Variants in KIF16B observed in about 807,000 individuals in gnomAD.
KIF16B encodes kinesin-like protein KIF16B.
Under a neutral mutation model 156.3 loss-of-function variants are expected in KIF16B, and 98 were observed. That is an observed-to-expected ratio of 0.63 (90% CI 0.53 to 0.74). KIF16B has a LOEUF of 0.74. Ranked by LOEUF, KIF16B falls within the 30% of genes least tolerant of loss-of-function variation. The pLI, the probability that KIF16B is intolerant of heterozygous loss-of-function variation, is 0.00. For missense variants in KIF16B, 1,421 were observed against 1,606.5 expected, an observed-to-expected ratio of 0.88 and a Z score of 1.97; for synonymous variants, 564 against 583.7, an observed-to-expected ratio of 0.97 and a Z score of 0.49.
At chr20:16,366,041 C>A (rs67393936) in intron 22 of KIF16B, among the ~76,000 whole-genome samples, 4,954 of 149,896 alleles carry the variant, frequency 0.033, 79 homozygotes, top group African/African-American at 0.043. Context: ...AAAACAAATA[C>A]AAAATATGTA....
rs78818623 is a variant in KIF16B at position 16,394,337 on chromosome 20, G to A, written c.1784+10476C>T. On this transcript the variant is annotated intron_variant, in intron 17 of 25. Transcript: ENST00000354981. ...TCATCAGTTAAAGTGGCTCACAGTG[G>A]AATAATATTCACGGACAAAAAGGAA... Among the ~76,000 whole-genome samples the A allele has an allele frequency of 6.9e-3, 1,056 of 152,228 alleles. 11 individuals carry two copies. The highest frequency in any genetic ancestry group is 0.022 in the African/African-American group (921 of 41,522).
chr20:16,303,929 G>A (rs138733748), intron 25 of KIF16B, among the ~76,000 whole-genome samples: 68 of 152,220 alleles, frequency 4.5e-4, no homozygotes, highest in African/African-American at 1.6e-3. Context: ...TGTTTTGGCC[G>A]ACTAAAAACA....
At chr20:16,413,872 TTGAG>T (rs145350037) in intron 15 of KIF16B, among the ~76,000 whole-genome samples, 3,186 of 152,092 alleles carry the variant, frequency 0.021, 108 homozygotes, top group African/African-American at 0.073. Flanking sequence ...TGAAATGGTA[TTGAG>T]TGAGAGGCTG....
At chr20:16,466,237 G>C (rs1163411702) in intron 12 of KIF16B, among the ~76,000 whole-genome samples, 1 of 152,182 alleles carries the variant, frequency 6.6e-6, no homozygotes, top group Non-Finnish European at 1.5e-5. Flanking sequence ...CCACAGCTTA[G>C]AAGTCACCAC....
At chr20:16,530,298 C>A (rs1208189011) in intron 1 of KIF16B, among the ~76,000 whole-genome samples, 2 of 152,146 alleles carry the variant, frequency 1.3e-5, no homozygotes, top group African/African-American at 4.8e-5. Flanking sequence ...TGGGCTGGAC[C>A]TGGTGAGTCA....
At chr20:16,525,897 T>G (rs2069523200) in intron 3 of KIF16B, among the ~76,000 whole-genome samples, 195 bp downstream of exon 3, 1 of 152,224 alleles carries the variant, frequency 6.6e-6, no homozygotes, top group South Asian at 2.1e-4. Flanking sequence ...ATCAATCTTT[T>G]GAGAACTGAA....
At chr20:16,300,147 G>A (rs1448682779) in intron 25 of KIF16B, among the ~76,000 whole-genome samples, 1 of 152,144 alleles carries the variant, frequency 6.6e-6, no homozygotes, top group African/African-American at 2.4e-5. Context: ...AACACGGAAA[G>A]GGAATCCCAC....
intron 1 of KIF16B, among the ~76,000 whole-genome samples, chr20:16,530,212 C>T (rs866243085): frequency 6.6e-6 from 1 of 152,272 alleles, no homozygotes; most frequent in Non-Finnish European, 1.5e-5. Context: ...AGGGCTGTGG[C>T]GGGCACCTTC....
chr20:16,411,929 C>CACGT (rs2065966340), intron 15 of KIF16B, among the ~76,000 whole-genome samples: 1 of 134,040 alleles, frequency 7.5e-6, no homozygotes, highest in Non-Finnish European at 1.6e-5. Flanking sequence ...GAATGTTCAA[C>CACGT]GTGTGTGTGT....
intron 25 of KIF16B, among the ~76,000 whole-genome samples, chr20:16,275,346 G>A (rs965328777): frequency 6.6e-5 from 10 of 152,188 alleles, no homozygotes; most frequent in Non-Finnish European, 5.9e-5. Flanking sequence ...GTGAGCCACT[G>A]CGCCCGGCCA....
intron 12 of KIF16B, among the ~76,000 whole-genome samples, chr20:16,441,486 T>C (rs2066799424): frequency 6.6e-6 from 1 of 152,178 alleles, no homozygotes; most frequent in South Asian, 2.1e-4. Context: ...GATCAGTGAC[T>C]TTACATTCAT....
intron 22 of KIF16B, among the ~76,000 whole-genome samples, chr20:16,358,827 C>T (rs945581013): frequency 1.3e-5 from 2 of 152,208 alleles, no homozygotes; most frequent in African/African-American, 4.8e-5. Flanking sequence ...GTCAGCTAAG[C>T]AATGGAGACT....
intron 12 of KIF16B, among the ~76,000 whole-genome samples, chr20:16,447,608 T>C (rs2066968927): frequency 6.6e-6 from 1 of 151,986 alleles, no homozygotes; most frequent in Non-Finnish European, 1.5e-5. Context: ...ATCCTGTCTC[T>C]ATTAAAAAAA....
intron 1 of KIF16B, among the ~76,000 whole-genome samples, chr20:16,545,369 TAA>T (rs1295462522): frequency 2.9e-5 from 4 of 135,730 alleles, no homozygotes; most frequent in Non-Finnish European, 1.6e-5. Context: ...CATCTCTATT[TAA>T]AAAAAAAAAA....
At chr20:16,394,201 C>T (rs536486968) in intron 17 of KIF16B, among the ~76,000 whole-genome samples, 29 of 152,290 alleles carry the variant, frequency 1.9e-4, no homozygotes, top group Non-Finnish European at 3.5e-4. Context: ...AAGCAAAATG[C>T]ATCCCACCAC....
At chr20:16,355,477 G>T (rs1428794893) in intron 23 of KIF16B, among the ~76,000 whole-genome samples, 2 of 152,154 alleles carry the variant, frequency 1.3e-5, no homozygotes, top group Non-Finnish European at 2.9e-5. Context: ...CCAGATTCAT[G>T]GTCTGGTGTT....
chr20:16,315,895 G>A (rs1445399392), intron 24 of KIF16B, among the ~76,000 whole-genome samples: 3 of 152,164 alleles, frequency 2.0e-5, no homozygotes, highest in Non-Finnish European at 4.4e-5. Context: ...TGGGGCTGGG[G>A]CATGAACAAG....
chr20:16,307,615 C>T (rs1239561426), intron 25 of KIF16B, among the ~76,000 whole-genome samples: 1 of 152,194 alleles, frequency 6.6e-6, no homozygotes, highest in Non-Finnish European at 1.5e-5. Context: ...GTTTCAGACA[C>T]TTTTACTGCA....
chr20:16,541,042 A>G (rs1311973296), intron 1 of KIF16B, among the ~76,000 whole-genome samples: 1 of 152,070 alleles, frequency 6.6e-6, no homozygotes, highest in East Asian at 1.9e-4. Flanking sequence ...GAAGCTCCAT[A>G]AGTTTGTGTC....
Sources: allele counts gnomAD v4.1 joint callset (sites outside exome capture counted in the v4.1 genomes callset), GRCh38; gene constraint gnomAD v4.1.1; transcripts MANE v1.5; gene names NCBI Gene and HGNC (gene_info 2026-07-23, HGNC 2026-07-21).